Variants in UVRAG observed in about 807,000 individuals in gnomAD.
The protein encoded by UVRAG is UV radiation resistance associated.
Under a neutral mutation model 78.0 loss-of-function variants are expected in UVRAG, and 19 were observed. The observed-to-expected ratio is 0.24, with a 90% CI of 0.17 to 0.36. The LOEUF (loss-of-function observed/expected upper bound fraction) is 0.36. Ranked by LOEUF, UVRAG falls within the 10% of genes least tolerant of loss-of-function variation. UVRAG has a pLI of 1.00. For synonymous variants in UVRAG, 323 were observed against 324.6 expected (o/e 1.00, Z 0.05); for missense variants, 740 against 853.8 (o/e 0.87, Z 1.66).
intron 2 of UVRAG, among the ~76,000 whole-genome samples, chr11:75,856,592 ACAC>A (rs1169594511): frequency 6.6e-6 from 1 of 152,060 alleles, no homozygotes; most frequent in African/African-American, 2.4e-5. Flanking sequence ...CTATAGGCAC[ACAC>A]CACCATGCCT....
chr11:75,869,979 C>T (rs1946616645), intron 3 of UVRAG, among the ~76,000 whole-genome samples: 1 of 152,146 alleles, frequency 6.6e-6, no homozygotes, highest in South Asian at 2.1e-4. Context: ...TGATATTCTA[C>T]TTTTCAGTGA....
intron 7 of UVRAG, among the ~76,000 whole-genome samples, chr11:75,962,692 A>T (rs1036663306): frequency 1.3e-5 from 2 of 152,136 alleles, no homozygotes; most frequent in Non-Finnish European, 1.5e-5. Context: ...GACTATAAAT[A>T]TATTGAAGGG....
intron 5 of UVRAG, among the ~76,000 whole-genome samples, chr11:75,889,919 T>C (rs1161330544): frequency 6.6e-6 from 1 of 152,216 alleles, no homozygotes; most frequent in Non-Finnish European, 1.5e-5. Flanking sequence ...TCTTGGGGAC[T>C]TGACTTTTAA....
chr11:76,109,845 C>A (rs1952040517), intron 13 of UVRAG, among the ~76,000 whole-genome samples: 1 of 152,148 alleles, frequency 6.6e-6, no homozygotes, highest in Non-Finnish European at 1.5e-5. Flanking sequence ...TTTGCCCAAG[C>A]AAGGAAGGAG....
Position 75,983,504 on chromosome 11 carries a change from C to A in UVRAG, c.817C>A (p.Gln273Lys). The A allele has an allele frequency of 1.2e-6, 2 of 1,603,532 alleles. No homozygotes were observed. Among genetic ancestry groups the A allele is most frequent in the Non-Finnish European group, 1.7e-6 (2 of 1,173,596 alleles). Residue 273 changes from glutamine (Q) to lysine (K), a missense_variant, in exon 8 of 15, where the codon CAA (glutamine) becomes AAA (lysine). Physicochemically the swap from Gln to Lys is moderately conservative, Grantham distance 53 (BLOSUM62 1). Transcript: ENST00000356136. Reference protein sequence around the residue: ...ALLHKQQIALQDKGSAFSAEH... With the variant: ...ALLHKQQIALKDKGSAFSAEH... Reference sequence around the variant, plus strand: ...ACTGCATAAGCAACAAATTGCATTACAAGACAAAGGTGAGTGGAAATACCA... The same window carrying A: ...ACTGCATAAGCAACAAATTGCATTAAAAGACAAAGGTGAGTGGAAATACCA...
intron 13 of UVRAG, among the ~76,000 whole-genome samples, chr11:76,077,837 A>C (rs1951431076): frequency 6.6e-6 from 1 of 152,188 alleles, no homozygotes; most frequent in Non-Finnish European, 1.5e-5. Context: ...CTAATAGCTC[A>C]ATATAAATTT....
intron 14 of UVRAG, among the ~76,000 whole-genome samples, chr11:76,126,935 A>G: frequency 6.6e-6 from 1 of 152,114 alleles, no homozygotes; most frequent in East Asian, 1.9e-4. Context: ...CCCCCAACAC[A>G]CACGTACACT....
At chr11:76,128,367 C>T (rs1447682710) in intron 14 of UVRAG, among the ~76,000 whole-genome samples, 2 of 152,134 alleles carry the variant, frequency 1.3e-5, no homozygotes, top group Non-Finnish European at 2.9e-5. Flanking sequence ...GCCCACGGCC[C>T]ATGGAAAAAT....
chr11:75,845,342 A>G (rs1299111757), intron 1 of UVRAG, among the ~76,000 whole-genome samples: 1 of 152,252 alleles, frequency 6.6e-6, no homozygotes, highest in African/African-American at 2.4e-5. Context: ...TATAACTGTG[A>G]AAGTATAAAG....
intron 1 of UVRAG, among the ~76,000 whole-genome samples, chr11:75,836,286 C>T (rs985436010): frequency 2.6e-5 from 4 of 152,098 alleles, no homozygotes; most frequent in Non-Finnish European, 5.9e-5. Context: ...CTAGGTAATT[C>T]ATATAGACAT....
intron 1 of UVRAG, among the ~76,000 whole-genome samples, chr11:75,825,892 AGTG>A (rs1945499601): frequency 1.3e-5 from 2 of 151,520 alleles, no homozygotes; most frequent in African/African-American, 4.9e-5. Context: ...GCTGGAGTAC[AGTG>A]GTGTGATCTC....
intron 12 of UVRAG, among the ~76,000 whole-genome samples, chr11:76,059,866 A>AGTCCAT (rs1433271525): frequency 6.6e-6 from 1 of 152,250 alleles, no homozygotes; most frequent in Admixed American, 6.5e-5. Context: ...GAATATATTG[A>AGTCCAT]GTCCATGTTG....
chr11:75,983,743 A>C (rs780707413), intron 8 of UVRAG: 2 of 422,430 alleles, frequency 4.7e-6, no homozygotes, highest in East Asian at 8.0e-5. Context: ...CACCTAGGCT[A>C]TATGGCTGTA....
chr11:76,133,567 G>T (rs1054567763), intron 14 of UVRAG, among the ~76,000 whole-genome samples: 5 of 152,160 alleles, frequency 3.3e-5, no homozygotes, highest in African/African-American at 1.2e-4. Flanking sequence ...TATTTGCATG[G>T]CAAGGTATTT....
chr11:75,838,245 G>GT (rs1393598508), intron 1 of UVRAG, among the ~76,000 whole-genome samples: 10 of 152,030 alleles, frequency 6.6e-5, no homozygotes, highest in African/African-American at 1.9e-4. Context: ...GTTATTTCTA[G>GT]TTCTTTTTGC....
intron 7 of UVRAG, among the ~76,000 whole-genome samples, chr11:75,973,947 G>C (rs1357556267): frequency 6.6e-6 from 1 of 152,148 alleles, no homozygotes; most frequent in Non-Finnish European, 1.5e-5. Context: ...TCTTAATCCA[G>C]TCTATCATTG....
chr11:75,832,180 A>T (rs758772071), intron 1 of UVRAG, among the ~76,000 whole-genome samples: 1 of 152,218 alleles, frequency 6.6e-6, no homozygotes, highest in Non-Finnish European at 1.5e-5. Flanking sequence ...TCCCCCCAAC[A>T]TCAACCAATT....
chr11:75,863,424 A>G (rs942734722), intron 3 of UVRAG, among the ~76,000 whole-genome samples: 7 of 152,298 alleles, frequency 4.6e-5, no homozygotes, highest in East Asian at 1.9e-4. Flanking sequence ...TCCATAGTCA[A>G]ATGTTGGGGA....
chr11:76,046,735 C>A (rs1485143177), intron 12 of UVRAG, among the ~76,000 whole-genome samples: 2 of 152,016 alleles, frequency 1.3e-5, no homozygotes, highest in East Asian at 3.9e-4. Context: ...GTCAGTAGAT[C>A]ATTTTTAAAG....
Sources: allele counts gnomAD v4.1 joint callset (sites outside exome capture counted in the v4.1 genomes callset), GRCh38; gene constraint gnomAD v4.1.1; transcripts MANE v1.5; gene names NCBI Gene and HGNC (gene_info 2026-07-23, HGNC 2026-07-21).